Variants in EYS observed in about 807,000 individuals in gnomAD.
The protein encoded by EYS is protein eyes shut homolog.
In EYS, 250 loss-of-function variants were observed where a neutral mutation model predicts 282.1. That is an observed-to-expected ratio of 0.89 (90% confidence interval 0.80 to 0.98). The LOEUF (loss-of-function observed/expected upper bound fraction) is 0.98, where lower values mean the gene tolerates loss of function less well. EYS is among the 50% of genes least tolerant of loss of function. EYS has a pLI of 0.00. For synonymous variants in EYS, 1,355 were observed against 1,282.9 expected (o/e 1.06, Z -1.20); for missense variants, 4,016 against 3,709.0 (o/e 1.08, Z -2.15).
At chr6:65,399,759 C>T (rs1334219282) in intron 7 of EYS, among the ~76,000 whole-genome samples, 2 of 151,932 alleles carry the variant, frequency 1.3e-5, no homozygotes, top group Non-Finnish European at 2.9e-5. Context: ...TAAACCAATG[C>T]AGGGAATTAT....
intron 26 of EYS, among the ~76,000 whole-genome samples, chr6:64,452,891 G>A (rs1025558744): frequency 2.0e-5 from 3 of 151,986 alleles, no homozygotes; most frequent in Non-Finnish European, 4.4e-5. Flanking sequence ...TGTTAGACCT[G>A]AAACCATAAA....
chr6:64,365,009 C>T (rs565521896), intron 29 of EYS, among the ~76,000 whole-genome samples: 5 of 151,856 alleles, frequency 3.3e-5, no homozygotes, highest in African/African-American at 1.2e-4. Context: ...ATTCAATTTA[C>T]TTGTGTTCAG....
In EYS at chr6:64,813,415, T is replaced by A. The variant is rs564589394; in HGVS notation, c.3406A>T (p.Ile1136Phe). 9.7e-6 allele frequency: 15 copies of A among 1,549,136 alleles called. No homozygotes were observed. The African/African-American group carries it at 1.9e-4, about 20-fold the overall frequency. ...LNSVICLNGG[I>F]CVDGPGHTFD... ...GTATGTCCAGGCCCATCAACACAGA[T>A]CCCTCCATTAAGACAGATGACTGAA... is the stretch of plus-strand genomic sequence containing the variant. The change falls in exon 22 of 43, where the codon ATC (isoleucine) becomes TTC (phenylalanine). Residue 1136 changes from isoleucine (I) to phenylalanine (F), a missense_variant. By Grantham distance (21) the Ile-to-Phe change is conservative. Coordinates refer to ENST00000503581, the MANE Select transcript of EYS (RefSeq NM_001142800.2).
At chr6:64,605,331 A>T (rs558558948) in intron 24 of EYS, among the ~76,000 whole-genome samples, 14 of 152,072 alleles carry the variant, frequency 9.2e-5, no homozygotes, top group African/African-American at 3.4e-4. Context: ...TGAATGTTAA[A>T]GTTATATGCC....
chr6:64,573,161 C>A (rs1193786186), intron 26 of EYS, among the ~76,000 whole-genome samples: 3 of 152,110 alleles, frequency 2.0e-5, no homozygotes, highest in Non-Finnish European at 2.9e-5. Flanking sequence ...CTGGCAAAAA[C>A]AAGCAATGGG....
intron 29 of EYS, among the ~76,000 whole-genome samples, chr6:64,321,090 G>T (rs1922973): frequency 0.72 from 108,666 of 151,428 alleles, 39,183 homozygotes; most frequent in African/African-American, 0.79. Flanking sequence ...TGTTCATATT[G>T]TTGTGTATTA....
At chr6:65,364,113 A>AAT (rs1764818710) in intron 8 of EYS, among the ~76,000 whole-genome samples, 1 of 149,544 alleles carries the variant, frequency 6.7e-6, no homozygotes, top group African/African-American at 2.4e-5. Context: ...TTTTTTCTTA[A>AAT]ATATCCCTTA....
chr6:65,583,668 T>C (rs1010799907), intron 2 of EYS, among the ~76,000 whole-genome samples: 1 of 152,102 alleles, frequency 6.6e-6, no homozygotes, highest in Non-Finnish European at 1.5e-5. Context: ...CATTCATAAA[T>C]GAACCTGCTC....
intron 26 of EYS, among the ~76,000 whole-genome samples, chr6:64,553,051 A>C (rs1269337464): frequency 6.6e-6 from 1 of 150,996 alleles, no homozygotes; most frequent in Non-Finnish European, 1.5e-5. Context: ...TCTTGCATGT[A>C]TTGATTGATG....
At chr6:64,369,698 C>T (rs1772291212) in intron 29 of EYS, among the ~76,000 whole-genome samples, 1 of 151,972 alleles carries the variant, frequency 6.6e-6, no homozygotes, top group Non-Finnish European at 1.5e-5. Context: ...TGTTTGCAGA[C>T]AATAGGATTC....
Position 64,129,233 on chromosome 6 carries a change from C to A in EYS, c.6425-47231G>T, listed in dbSNP as rs997193142. ...CACAGTGGTTGAACTAGTTTACAGTCCCACCAACAGTGTAAAAGTGTTCCT... is the reference window on the plus strand; with the variant it reads ...CACAGTGGTTGAACTAGTTTACAGTACCACCAACAGTGTAAAAGTGTTCCT... On this transcript the variant is annotated intron_variant, in intron 31 of 42. Coordinates refer to ENST00000503581, the MANE Select transcript of EYS (RefSeq NM_001142800.2). Among the ~76,000 whole-genome samples, 7 of 152,142 alleles carry A rather than the reference C, an allele frequency of 4.6e-5. No individual in the cohort carries two copies. In the South Asian group the frequency reaches 1.5e-3, roughly 32 times the overall value.
chr6:64,024,885 G>T (rs1769407707), intron 33 of EYS, among the ~76,000 whole-genome samples: 1 of 152,178 alleles, frequency 6.6e-6, no homozygotes, highest in South Asian at 2.1e-4. Flanking sequence ...CTCACCGTGA[G>T]GGTCTGCGGC....
intron 12 of EYS, among the ~76,000 whole-genome samples, chr6:65,276,524 T>C (rs7773820): frequency 0.52 from 79,526 of 151,952 alleles, 22,544 homozygotes; most frequent in East Asian, 0.88. Flanking sequence ...CCTGTAGTTA[T>C]TGACTCTGAC....
intron 2 of EYS, among the ~76,000 whole-genome samples, chr6:65,515,871 G>A (rs921674019): frequency 6.6e-6 from 1 of 151,220 alleles, no homozygotes; most frequent in African/African-American, 2.4e-5. Context: ...CAGCACACCA[G>A]CATGGCACAT....
chr6:64,674,031 C>T (rs1769560925), intron 22 of EYS, among the ~76,000 whole-genome samples: 1 of 151,914 alleles, frequency 6.6e-6, no homozygotes, highest in African/African-American at 2.4e-5. Flanking sequence ...ACTTGAAAAA[C>T]CAAAAAACTT....
At chr6:65,140,732 C>A (rs10944781) in intron 12 of EYS, among the ~76,000 whole-genome samples, 1 of 151,922 alleles carries the variant, frequency 6.6e-6, no homozygotes. Flanking sequence ...CCAAAAGACA[C>A]GTGAAAAAAC....
At chr6:63,758,328 TAGG>T (rs1416801028) in intron 41 of EYS, among the ~76,000 whole-genome samples, 2 of 152,166 alleles carry the variant, frequency 1.3e-5, no homozygotes, top group Non-Finnish European at 2.9e-5. Flanking sequence ...CTTTTTAAAA[TAGG>T]AGGTTTAAAA....
At chr6:63,981,122 C>T (rs1224716415) in intron 35 of EYS, among the ~76,000 whole-genome samples, 1 of 151,720 alleles carries the variant, frequency 6.6e-6, no homozygotes, top group African/African-American at 2.4e-5. Flanking sequence ...GACCCATGTT[C>T]TTCTTAATGA....
chr6:64,490,862 T>C (rs1036859222), intron 26 of EYS, among the ~76,000 whole-genome samples: 4 of 150,884 alleles, frequency 2.7e-5, no homozygotes, highest in East Asian at 1.9e-4. Context: ...GTTTTTACTA[T>C]GCATAAAACC....
Sources: allele counts gnomAD v4.1 joint callset (sites outside exome capture counted in the v4.1 genomes callset), GRCh38; gene constraint gnomAD v4.1.1; transcripts MANE v1.5; gene names NCBI Gene and HGNC (gene_info 2026-07-23, HGNC 2026-07-21).